Variants in FGGY observed in about 807,000 individuals in gnomAD.
FGGY encodes the protein FGGY carbohydrate kinase domain-containing protein.
In FGGY, 72 loss-of-function variants were observed where a neutral mutation model predicts 71.3. That is an observed-to-expected ratio of 1.01 (90% CI 0.84 to 1.23). The LOEUF (loss-of-function observed/expected upper bound fraction) is 1.23. Among genes scored for constraint, FGGY ranks in the 50% most tolerant of loss-of-function variants. FGGY has a pLI of 0.00. For synonymous variants in FGGY, 251 were observed against 250.3 expected (o/e 1.00, Z -0.02); for missense variants, 668 against 682.3 (o/e 0.98, Z 0.23).
At chr1:59,543,647 A>AGGTT (rs1316379451) in intron 7 of FGGY, among the ~76,000 whole-genome samples, 3 of 152,314 alleles carry the variant, frequency 2.0e-5, no homozygotes, top group Non-Finnish European at 4.4e-5. Flanking sequence ...TTGGCATCAG[A>AGGTT]GGTTGGAGAG....
rs539724041 is a variant in FGGY, at chr1:59,504,992, C to G, written c.671-7319C>G. 2.6e-5 allele frequency among the ~76,000 whole-genome samples: 4 copies of G among 152,254 alleles called. No individual in the cohort carries two copies. In the South Asian group the frequency reaches 8.3e-4, roughly 32 times the overall value. Reference sequence around the variant, plus strand: ...GGTAAATAAAATAATTTGAACTATTCTCTGTCTAGTGGGAAAGAGAGATCG... The same window carrying G: ...GGTAAATAAAATAATTTGAACTATTGTCTGTCTAGTGGGAAAGAGAGATCG... On this transcript the variant is annotated intron_variant, in intron 6 of 15. Transcript: ENST00000303721.
At chr1:59,456,357 A>G (rs1054618591) in intron 5 of FGGY, among the ~76,000 whole-genome samples, 1 of 152,098 alleles carries the variant, frequency 6.6e-6, no homozygotes, top group Non-Finnish European at 1.5e-5. Flanking sequence ...ATAATTTCTA[A>G]TTATCTCACA....
intron 14 of FGGY, among the ~76,000 whole-genome samples, chr1:59,730,691 A>G (rs1364644841): frequency 6.6e-6 from 1 of 152,188 alleles, no homozygotes; most frequent in Non-Finnish European, 1.5e-5. Context: ...AGATCAGAGA[A>G]TAGGGAAGTT....
At chr1:59,479,962 A>T (rs2093410493) in intron 6 of FGGY, among the ~76,000 whole-genome samples, 1 of 152,270 alleles carries the variant, frequency 6.6e-6, no homozygotes, top group East Asian at 1.9e-4. Context: ...GCTGTATCTA[A>T]TCTGTTACCA....
chr1:59,544,711 C>T (rs17119586), intron 7 of FGGY, among the ~76,000 whole-genome samples: 4,598 of 152,138 alleles, frequency 0.03, 234 homozygotes, highest in African/African-American at 0.11. Flanking sequence ...AAGTGAGTTT[C>T]GAAGAGGTGT....
chr1:59,737,961 C>A (rs137976821), intron 14 of FGGY, among the ~76,000 whole-genome samples: 63 of 152,178 alleles, frequency 4.1e-4, no homozygotes, highest in African/African-American at 1.4e-3. Context: ...GGGGCGAGAG[C>A]AAACTGAGGA....
chr1:59,442,090 G>A (rs1405845642), intron 5 of FGGY, among the ~76,000 whole-genome samples: 1 of 152,156 alleles, frequency 6.6e-6, no homozygotes, highest in Non-Finnish European at 1.5e-5. Context: ...CAATCATGCA[G>A]AGGGTATGTT....
intron 8 of FGGY, among the ~76,000 whole-genome samples, chr1:59,581,377 C>T (rs2096192250): frequency 1.3e-5 from 2 of 150,136 alleles, no homozygotes; most frequent in South Asian, 2.1e-4. Context: ...TTCTGAGTGA[C>T]ATACACTGAA....
In FGGY at chr1:59,549,256, C is replaced by G. The variant is rs116224072; in HGVS notation, c.800-4868C>G. ...CCTCCCAGCCAGCTTTGGCAAGAAA[C>G]TCACTGGATGGGATTCATCAGTCAG... On this transcript the variant is annotated intron_variant, in intron 7 of 15. Coordinates refer to ENST00000303721, the MANE Select transcript of FGGY (RefSeq NM_018291.5). Among the ~76,000 whole-genome samples the G allele has an allele frequency of 3.2e-3, 488 of 152,326 alleles. 2 individuals are homozygous for G. The highest frequency in any genetic ancestry group is 0.011 in the African/African-American group (463 of 41,572).
intron 6 of FGGY, among the ~76,000 whole-genome samples, chr1:59,473,460 A>C (rs1239004663): frequency 6.6e-6 from 1 of 152,232 alleles, no homozygotes; most frequent in Non-Finnish European, 1.5e-5. Flanking sequence ...TCTTGAAGTC[A>C]GTGAGACCAA....
chr1:59,331,057 G>A (rs1002745056), intron 2 of FGGY, among the ~76,000 whole-genome samples: 19 of 151,984 alleles, frequency 1.3e-4, no homozygotes, highest in African/African-American at 4.4e-4. Context: ...GGCACATATA[G>A]GTGCTTAATA....
At chr1:59,685,201 G>A (rs896215979) in intron 14 of FGGY, among the ~76,000 whole-genome samples, 15 of 152,036 alleles carry the variant, frequency 9.9e-5, no homozygotes, top group African/African-American at 2.7e-4. Context: ...AAGGATGTCC[G>A]GACCTCTCTC....
rs2097410047 is a variant in FGGY, at chr1:59,674,108, C to T, written c.1487C>T (p.Ala496Val). The change falls in exon 14 of 16, where the codon GCC becomes GTC. Residue 496 changes from alanine to valine, a missense_variant. Ala to Val is a moderately conservative substitution (Grantham distance 64). Around this residue, in one of 2 missense-constraint regions of FGGY, gnomAD observed 661 missense variants for 661.6 expected, o/e 1.00. Coordinates refer to ENST00000303721, the MANE Select transcript of FGGY (RefSeq NM_018291.5). ...LVGAAVLGACASGDFASVQEA... is the reference protein window; with the variant it reads ...LVGAAVLGACVSGDFASVQEA... ...GGTGCTGCTGTTCTGGGTGCCTGTG[C>T]CTCAGGGGATTTCGCTTCTGTACAG... is the stretch of plus-strand genomic sequence containing the variant. 1 of 1,613,892 alleles carries T rather than the reference C, an allele frequency of 6.2e-7. No individual in the cohort carries two copies. The highest frequency in any genetic ancestry group is 8.5e-7 in the Non-Finnish European group (1 of 1,179,914).
chr1:59,525,207 T>G (rs1209059021), intron 7 of FGGY, among the ~76,000 whole-genome samples: 1 of 152,228 alleles, frequency 6.6e-6, no homozygotes, highest in Non-Finnish European at 1.5e-5. Context: ...TGTCTGGTTG[T>G]GTGCAGTGGC....
chr1:59,673,381 C>T (rs147434671), intron 13 of FGGY, among the ~76,000 whole-genome samples: 33 of 151,930 alleles, frequency 2.2e-4, no homozygotes, highest in African/African-American at 7.0e-4. Flanking sequence ...GTAAGGGCCC[C>T]GAGGCACACT....
chr1:59,646,562 G>GA (rs1458176507), intron 11 of FGGY, among the ~76,000 whole-genome samples: 2 of 150,428 alleles, frequency 1.3e-5, no homozygotes, highest in African/African-American at 4.9e-5. Flanking sequence ...GTATTTTACT[G>GA]AAAAAATATA....
chr1:59,572,822 C>T (rs574886886), intron 8 of FGGY, among the ~76,000 whole-genome samples: 1 of 152,300 alleles, frequency 6.6e-6, no homozygotes, highest in African/African-American at 2.4e-5. Context: ...GTAGAGATAT[C>T]TGGAGAGAGA....
At chr1:59,340,813 G>A (rs1418299076) in intron 3 of FGGY, among the ~76,000 whole-genome samples, 1 of 152,156 alleles carries the variant, frequency 6.6e-6, no homozygotes, top group East Asian at 1.9e-4. Context: ...CCAGGTTTGA[G>A]AAAAACCACT....
In FGGY at chr1:59,512,334, G is replaced by A. The variant is rs776717697; in HGVS notation, c.694G>A (p.Ala232Thr). The A allele has an allele frequency of 6.2e-7, 1 of 1,611,778 alleles. No homozygotes were observed. The highest frequency in any genetic ancestry group is 8.5e-7 in the Non-Finnish European group (1 of 1,178,662). Reference protein sequence around the residue: ...KIGNQVLPPGASLGNGLTPEA... With the variant: ...KIGNQVLPPGTSLGNGLTPEA... ...AGGAAACCAAGTGCTACCTCCTGGAGCTTCTCTTGGAAATGGGCTCACACC... is the reference window on the plus strand; with the variant it reads ...AGGAAACCAAGTGCTACCTCCTGGAACTTCTCTTGGAAATGGGCTCACACC... Residue 232 changes from alanine (A) to threonine (T), a missense_variant, in exon 7 of 16, where the codon GCT becomes ACT. Physicochemically the swap from Ala to Thr is moderately conservative, Grantham distance 58. Transcript: ENST00000303721.
Sources: gnomAD v4.1 joint callset for allele counts (sites outside exome capture counted in the v4.1 genomes callset) on GRCh38, gnomAD v4.1.1 for gene constraint, gnomAD v4.1.1 regional missense constraint, MANE v1.5 for transcripts, NCBI Gene and HGNC (gene_info 2026-07-23, HGNC 2026-07-21) for gene names.